SLC22A23: variants seen among roughly 807,000 people sequenced by gnomAD.
SLC22A23 encodes the protein ion transporter protein.
In SLC22A23, 26 loss-of-function variants were observed where a neutral mutation model predicts 61.0. The observed-to-expected ratio is 0.43, with a 90% CI of 0.31 to 0.59. The LOEUF is 0.59. Ranked by LOEUF, SLC22A23 falls within the 20% of genes least tolerant of loss-of-function variation. The pLI is 0.11. For missense variants in SLC22A23, 796 were observed against 934.7 expected, an observed-to-expected ratio of 0.85 and a Z score of 1.94; for synonymous variants, 430 against 413.9, an observed-to-expected ratio of 1.04 and a Z score of -0.47.
At chr6:3,398,232 G>T (rs1466094663) in intron 3 of SLC22A23, among the ~76,000 whole-genome samples, 7 of 152,140 alleles carry the variant, frequency 4.6e-5, no homozygotes, top group Admixed American at 1.3e-4. Flanking sequence ...TATGGATGGG[G>T]AAATGAACTA....
Position 3,342,266 on chromosome 6 carries a change from C to A in SLC22A23, c.914-18264G>T, listed in dbSNP as rs565988295. 2.0e-5 allele frequency among the ~76,000 whole-genome samples: 3 copies of A among 152,260 alleles called. No individual in the cohort carries two copies. The highest frequency in any genetic ancestry group is 2.1e-4 in the South Asian group (1 of 4,820). ...GGTTTGCTGTTTTAAGGCCATGTGTCTCCTTAACATAACTCTTTTTCAAAA... is the reference window on the plus strand; with the variant it reads ...GGTTTGCTGTTTTAAGGCCATGTGTATCCTTAACATAACTCTTTTTCAAAA... On this transcript the variant is annotated intron_variant, in intron 3 of 9. Transcript: ENST00000406686. This position sits in a 1 kb window ranked among gnomAD's most constrained non-coding sequence, Gnocchi z 4.0.
chr6:3,456,119 C>A lies in SLC22A23; in HGVS notation c.441G>T (p.Gly147=), dbSNP rs1295050229. The change falls in exon 1 of 10, where the codon GGG becomes GGT. Residue 147 remains glycine (G), a synonymous_variant. Coordinates refer to ENST00000406686, the MANE Select transcript of SLC22A23 (RefSeq NM_015482.2). This position sits in a 1 kb window ranked among gnomAD's most constrained non-coding sequence, Gnocchi z 7.1. ...LAGVTTTGRG[G]DMGNWTSLPT... is the part of the protein sequence containing the mutation. ...GGAGGCTGGTCCAGTTGCCCATGTC[C>A]CCGCCCCGGCCTGTGGTGGTGACCC... 7 of 1,550,946 alleles carry A rather than the reference C, an allele frequency of 4.5e-6. No individual in the cohort carries two copies. Among genetic ancestry groups the A allele is most frequent in the South Asian group, 1.2e-5 (1 of 84,044 alleles).
intron 3 of SLC22A23, among the ~76,000 whole-genome samples, chr6:3,341,457 T>G (rs1308484367): frequency 6.6e-6 from 1 of 152,178 alleles, no homozygotes; most frequent in East Asian, 1.9e-4. Context: ...GGATGGGTTT[T>G]GTTCTCTCTC....
At chr6:3,381,581 C>T (rs940457812) in intron 3 of SLC22A23, among the ~76,000 whole-genome samples, 3 of 152,198 alleles carry the variant, frequency 2.0e-5, no homozygotes, top group African/African-American at 7.2e-5. Flanking sequence ...TCCAGCCAGA[C>T]ACGCTGTGCT....
At chr6:3,306,749 G>A (rs1348446705) in intron 4 of SLC22A23, among the ~76,000 whole-genome samples, 1 of 152,224 alleles carries the variant, frequency 6.6e-6, no homozygotes, top group East Asian at 1.9e-4. Flanking sequence ...CCCAGGTGGG[G>A]GGAGAGAAGC....
At chr6:3,448,654 C>G (rs1158521691) in intron 1 of SLC22A23, among the ~76,000 whole-genome samples, 1 of 152,124 alleles carries the variant, frequency 6.6e-6, no homozygotes, top group African/African-American at 2.4e-5. Flanking sequence ...CCACCACGCC[C>G]TCCTAATTTT....
Position 3,282,228 on chromosome 6 carries a change from T to C in SLC22A23, c.1703+1624A>G, listed in dbSNP as rs78034964. 7.9e-3 allele frequency: 5,547 copies of C among 702,608 alleles called. 56 individuals are homozygous for C. Among genetic ancestry groups the C allele is most frequent in the Middle Eastern group, 0.05 (217 of 4,370 alleles). The allele number at this position is 702,608 out of a possible 1,614,324, so 43.5% of individuals were successfully genotyped here. A position where few individuals can be genotyped will look rare whatever the true frequency, so the allele number is the denominator to read the frequency against. On this transcript the variant is annotated intron_variant, in intron 9 of 9. Transcript: ENST00000406686. ...TAAAGGAGAGAAATTTCACTTTCCGTCCTTTAGACAGGGAGTGAGCCTGCG... is the reference window on the plus strand; with the variant it reads ...TAAAGGAGAGAAATTTCACTTTCCGCCCTTTAGACAGGGAGTGAGCCTGCG...
chr6:3,451,815 G>C (rs1772167709), intron 1 of SLC22A23, among the ~76,000 whole-genome samples: 1 of 152,186 alleles, frequency 6.6e-6, no homozygotes, highest in Non-Finnish European at 1.5e-5. Context: ...GAACACAGAT[G>C]GTCCCCGGCT....
chr6:3,438,128 C>T (rs1375633830), intron 1 of SLC22A23, among the ~76,000 whole-genome samples: 1 of 152,084 alleles, frequency 6.6e-6, no homozygotes, highest in African/African-American at 2.4e-5. Context: ...CCCCTGCCAC[C>T]ACCATTGACA....
At position 3,410,174 on chromosome 6, in the gene SLC22A23, A is replaced by G. The variant is rs1393860053; in HGVS notation, c.913+14T>C. On this transcript the variant is annotated intron_variant, in intron 3 of 9. Coordinates refer to ENST00000406686, the MANE Select transcript of SLC22A23 (RefSeq NM_015482.2). The surrounding 1 kb of genome is among the most constrained non-coding windows in gnomAD (Gnocchi z 5.0). The stretch of plus-strand genomic sequence containing the variant: ...TAAATTCTTTCAAGACTAGTCGTGA[A>G]GGCTCCTACTTACGTAAAGCATACA... 6.2e-7 allele frequency: 1 copy of G among 1,600,768 alleles called. No homozygotes were observed. The highest frequency in any genetic ancestry group is 1.1e-5 in the South Asian group (1 of 88,432).
intron 9 of SLC22A23, among the ~76,000 whole-genome samples, chr6:3,279,017 G>A (rs1759167478): frequency 6.6e-6 from 1 of 152,150 alleles, no homozygotes; most frequent in African/African-American, 2.4e-5. Context: ...CTTGCATTGT[G>A]CCTGGTGAAC....
At chr6:3,447,901 T>A (rs1771985690) in intron 1 of SLC22A23, among the ~76,000 whole-genome samples, 1 of 133,082 alleles carries the variant, frequency 7.5e-6, no homozygotes, top group South Asian at 2.6e-4. Context: ...CTCTCTCTTT[T>A]TTTTTTTTTT....
intron 4 of SLC22A23, among the ~76,000 whole-genome samples, chr6:3,316,112 G>C (rs1762626204): frequency 1.3e-5 from 2 of 152,166 alleles, no homozygotes; most frequent in Admixed American, 1.3e-4. Flanking sequence ...TTTCTAGCAA[G>C]TTCCCAAGTG....
chr6:3,271,179 G>A lies in SLC22A23; in HGVS notation c.*1876C>T, dbSNP rs1434726667. ...AGATCTAAAGAAAGGCCTTTGTAAAGGTGAATGCAAACTAATGTTGAAACA... is the reference window on the plus strand; with the variant it reads ...AGATCTAAAGAAAGGCCTTTGTAAAAGTGAATGCAAACTAATGTTGAAACA... On this transcript the variant is annotated 3_prime_UTR_variant, in exon 10 of 10. Coordinates refer to ENST00000406686, the MANE Select transcript of SLC22A23 (RefSeq NM_015482.2). 1 of 152,384 alleles carries A rather than the reference G, an allele frequency of 6.6e-6. No individual in the cohort carries two copies. The highest frequency in any genetic ancestry group is 1.5e-5 in the Non-Finnish European group (1 of 68,056). The allele number at this position is 152,384 out of a possible 1,614,324, so 9.4% of individuals were successfully genotyped here.
intron 3 of SLC22A23, among the ~76,000 whole-genome samples, chr6:3,349,822 A>G (rs1349383972): frequency 1.3e-5 from 2 of 152,228 alleles, no homozygotes; most frequent in African/African-American, 4.8e-5. Context: ...AAGCAACCTG[A>G]TATCTTCAGG....
At chr6:3,376,225 A>G (rs1431569698) in intron 3 of SLC22A23, among the ~76,000 whole-genome samples, 1 of 152,164 alleles carries the variant, frequency 6.6e-6, no homozygotes, top group Non-Finnish European at 1.5e-5. Context: ...AAGACTGGAC[A>G]CCCAGCTGCC....
chr6:3,358,053 C>T (rs1765220940), intron 3 of SLC22A23, among the ~76,000 whole-genome samples: 1 of 152,150 alleles, frequency 6.6e-6, no homozygotes. Flanking sequence ...AGAGGCTAGA[C>T]AGGTTAGGTT....
intron 4 of SLC22A23, among the ~76,000 whole-genome samples, chr6:3,301,120 C>T (rs1343124467): frequency 6.6e-6 from 1 of 152,098 alleles, no homozygotes; most frequent in Non-Finnish European, 1.5e-5. Context: ...TCACATTTTG[C>T]TGTATTTTAA....
intron 3 of SLC22A23, among the ~76,000 whole-genome samples, chr6:3,402,122 G>T (rs1396897563): frequency 1.3e-5 from 2 of 152,120 alleles, no homozygotes; most frequent in East Asian, 3.9e-4. Flanking sequence ...AGTCATTGAG[G>T]CTGTGATTCT....
Sources: gnomAD v4.1 joint callset for allele counts (sites outside exome capture counted in the v4.1 genomes callset) on GRCh38, gnomAD v4.1.1 for gene constraint, Gnocchi (gnomAD v3.1) non-coding constraint, MANE v1.5 for transcripts, NCBI Gene and HGNC (gene_info 2026-07-23, HGNC 2026-07-21) for gene names.